The following FRMPD4 variants were observed in gnomAD, a reference collection of about 807,000 sequenced individuals.
FRMPD4 encodes the protein FERM and PDZ domain-containing protein 4.
In FRMPD4, 22 loss-of-function variants were observed where a neutral mutation model predicts 94.1. The ratio of observed to expected loss-of-function variants is 0.23; its 90% confidence interval spans 0.17 to 0.33. The LOEUF is 0.33. Among genes scored for constraint, FRMPD4 ranks in the 10% least tolerant of loss-of-function variants. The pLI is 1.00. For missense variants in FRMPD4, 1,111 were observed against 1,339.9 expected (o/e 0.83, Z 2.67); for synonymous variants, 631 against 548.6 (o/e 1.15, Z -2.10).
At chrX:11,910,950 AAC>A (rs1413310435) in intron 3 of FRMPD4, among the ~76,000 whole-genome samples, 1 of 111,514 alleles carries the variant, frequency 9.0e-6, no homozygotes, top group African/African-American at 3.3e-5. Flanking sequence ...AAAAAAAAAA[AAC>A]ATCTTCCAAG....
At chrX:12,511,387 C>T (rs1424242436) in intron 2 of FRMPD4, among the ~76,000 whole-genome samples, 1 of 111,785 alleles carries the variant, frequency 8.9e-6, no homozygotes, top group Non-Finnish European at 1.9e-5. Flanking sequence ...AGATAAACAA[C>T]TAAATAAATT....
At chrX:12,551,585 A>G (rs750420797) in intron 2 of FRMPD4, among the ~76,000 whole-genome samples, 3 of 110,923 alleles carry the variant, frequency 2.7e-5, no homozygotes, top group South Asian at 7.5e-4. Flanking sequence ...TTCTTTCCAT[A>G]TATTTGTTGA....
intron 3 of FRMPD4, among the ~76,000 whole-genome samples, chrX:12,098,623 A>G (rs915774444): frequency 2.7e-5 from 3 of 112,108 alleles, no homozygotes; most frequent in Non-Finnish European, 5.6e-5. Flanking sequence ...ATTCTCAACC[A>G]GGGCAATTTT....
intron 1 of FRMPD4, among the ~76,000 whole-genome samples, chrX:12,223,943 G>A (rs1386002888): frequency 6.3e-5 from 7 of 111,021 alleles, no homozygotes; most frequent in Non-Finnish European, 9.4e-5. Flanking sequence ...ATCGTTTAGC[G>A]TCGAGTTTAT....
intron 3 of FRMPD4, among the ~76,000 whole-genome samples, chrX:12,024,178 A>G (rs148973797): frequency 1.8e-5 from 2 of 111,670 alleles, no homozygotes; most frequent in African/African-American, 3.3e-5. Flanking sequence ...AGTTCTCACC[A>G]TGAAGGTTGA....
chrX:11,861,041 C>T (rs890201000), intron 1 of FRMPD4, among the ~76,000 whole-genome samples: 2 of 111,959 alleles, frequency 1.8e-5, no homozygotes, highest in African/African-American at 6.5e-5. Context: ...AGAAGTTAGT[C>T]TCTGTCATGT....
At chrX:11,848,762 C>A (rs564024567) in intron 1 of FRMPD4, among the ~76,000 whole-genome samples, 14 of 111,111 alleles carry the variant, frequency 1.3e-4, no homozygotes, top group African/African-American at 3.6e-4. Flanking sequence ...AAACTTCAGG[C>A]TCCCAGAGCC....
At chrX:12,491,518 C>T (rs1414426984) in intron 1 of FRMPD4, among the ~76,000 whole-genome samples, 5 of 111,977 alleles carry the variant, frequency 4.5e-5, no homozygotes, top group African/African-American at 9.7e-5. Context: ...GATGAGCTGA[C>T]GTAGTAGCAA....
chrX:12,504,340 T>A (rs779761187), intron 2 of FRMPD4, among the ~76,000 whole-genome samples: 1 of 112,712 alleles, frequency 8.9e-6, no homozygotes, highest in Non-Finnish European at 1.9e-5. Flanking sequence ...ATATGTTGCT[T>A]TTGAGTACGC....
chrX:12,584,732 A>C (rs907925351), intron 2 of FRMPD4, among the ~76,000 whole-genome samples: 1 of 112,005 alleles, frequency 8.9e-6, no homozygotes, highest in Admixed American at 9.4e-5. Flanking sequence ...TGGTTCAAAT[A>C]ATTCTGAATC....
At chrX:12,453,331 G>GA (rs200796796) in intron 1 of FRMPD4, among the ~76,000 whole-genome samples, 1,411 of 111,465 alleles carry the variant, frequency 0.013, 25 homozygotes, top group African/African-American at 0.043. Context: ...AATGGTTAGA[G>GA]AAAAAAAATG....
intron 1 of FRMPD4, among the ~76,000 whole-genome samples, chrX:11,862,168 A>G (rs1013721660): frequency 1.8e-5 from 2 of 111,202 alleles, no homozygotes; most frequent in Admixed American, 1.9e-4. Context: ...TTATAATTTG[A>G]CATGAGATTT....
At chrX:12,415,166 T>C (rs2056783843) in intron 1 of FRMPD4, among the ~76,000 whole-genome samples, 1 of 111,447 alleles carries the variant, frequency 9.0e-6, no homozygotes, top group South Asian at 3.9e-4. Flanking sequence ...CCAAGATTAA[T>C]TTAACATTAT....
At chrX:12,178,026 A>G (rs1353232507) in intron 1 of FRMPD4, among the ~76,000 whole-genome samples, 1 of 111,209 alleles carries the variant, frequency 9.0e-6, no homozygotes, top group Non-Finnish European at 1.9e-5. Flanking sequence ...CTGAAACCTA[A>G]CCTCCAAGGA....
At chrX:11,846,380 A>G (rs62589903) in intron 1 of FRMPD4, among the ~76,000 whole-genome samples, 10,510 of 110,627 alleles carry the variant, frequency 0.095, 541 homozygotes, top group Non-Finnish European at 0.15. Flanking sequence ...GAAGTAAAAG[A>G]GGATACAAAG....
At chrX:12,514,776 C>A (rs977728349) in intron 2 of FRMPD4, among the ~76,000 whole-genome samples, 5 of 112,043 alleles carry the variant, frequency 4.5e-5, no homozygotes, top group African/African-American at 1.6e-4. Context: ...GCATTAGTTT[C>A]AGAAGAAATG....
At chrX:12,071,972 T>C (rs1364004204) in intron 3 of FRMPD4, among the ~76,000 whole-genome samples, 3 of 111,468 alleles carry the variant, frequency 2.7e-5, no homozygotes, top group African/African-American at 9.8e-5. Flanking sequence ...TCATTCTCAT[T>C]GGTATCTATT....
intron 3 of FRMPD4, among the ~76,000 whole-genome samples, chrX:12,031,467 G>A (rs1052521460): frequency 8.9e-5 from 10 of 111,821 alleles, no homozygotes; most frequent in African/African-American, 3.3e-4. Context: ...TGAACTGGGA[G>A]GATAAAAGCT....
At position 12,233,977 on chromosome X, in the gene FRMPD4, A is replaced by ATGAATTAT. The variant is rs1555938822; in HGVS notation, c.41+94966_41+94967insGAATTATT. Among the ~76,000 whole-genome samples, 162 of 103,218 alleles carry ATGAATTAT rather than the reference A, an allele frequency of 1.6e-3. 1 individual carries two copies. Among genetic ancestry groups the ATGAATTAT allele is most frequent in the African/African-American group, 5.2e-3 (149 of 28,547 alleles). The allele number at this position is 103,218 out of a possible 115,157, so 89.6% of individuals were successfully genotyped here. The stretch of plus-strand genomic sequence containing the variant: ...GCGTCATCTGCCAGAGAATGAATGA[A>ATGAATTAT]TTATTTATTTATTTATTTATTTATT... On this transcript the variant is annotated intron_variant, in intron 1 of 16. Coordinates refer to ENST00000675598, the MANE Select transcript of FRMPD4 (RefSeq NM_001368397.1).
Sources: allele counts gnomAD v4.1 joint callset (sites outside exome capture counted in the v4.1 genomes callset), GRCh38; gene constraint gnomAD v4.1.1; transcripts MANE v1.5; gene names NCBI Gene and HGNC (gene_info 2026-07-23, HGNC 2026-07-21).